The following UTP3 variants were observed in gnomAD, a reference collection of about 807,000 sequenced individuals.
The protein encoded by UTP3 is UTP3 small subunit processome component, also known as something about silencing protein 10.
Under a neutral mutation model 37.9 loss-of-function variants are expected in UTP3, and 19 were observed. The ratio of observed to expected loss-of-function variants is 0.50; its 90% confidence interval spans 0.35 to 0.74. The LOEUF (loss-of-function observed/expected upper bound fraction) is 0.74, where lower values mean the gene tolerates loss of function less well. Among genes scored for constraint, UTP3 ranks in the 30% least tolerant of loss-of-function variants. UTP3 has a pLI of 0.01. For synonymous variants in UTP3, 242 were observed against 218.5 expected (o/e 1.11, Z -0.95); for missense variants, 504 against 570.7 (o/e 0.88, Z 1.19).
chr4:70,689,254 G>C lies in UTP3; in HGVS notation c.577G>C (p.Val193Leu), dbSNP rs573556604. The C allele has an allele frequency of 1.2e-6, 2 of 1,614,224 alleles. No individual in the cohort carries two copies. Among genetic ancestry groups the C allele is most frequent in the East Asian group, 4.5e-5 (2 of 44,886 alleles). The stretch of plus-strand genomic sequence containing the variant: ...CTGGGTTGAGGCCTTTGCAAAACCA[G>C]TGCCTCAGGTAGATGAGGCTGAGAC... ...VAWVEAFAKP[V>L]PQVDEAETRV... Residue 193 changes from valine (V) to leucine (L), a missense_variant, in exon 1 of 1, where the codon GTG becomes CTG. Physicochemically the swap from Val to Leu is conservative, Grantham distance 32. Coordinates refer to ENST00000254803, the MANE Select transcript of UTP3 (RefSeq NM_020368.3).
rs1739588050 is a variant in UTP3 at position 70,690,044 on chromosome 4, A to C, written c.1367A>C (p.Lys456Thr). Residue 456 changes from lysine (K) to threonine (T), a missense_variant, in exon 1 of 1, where the codon AAA becomes ACA. Coordinates refer to ENST00000254803, the MANE Select transcript of UTP3 (RefSeq NM_020368.3). ...AGAGGCCAGGTTCGTGAAGTTCGTA[A>C]AGAAGAGCAACGTTATAGTGGTGAA... ...RRRGQVREVR[K>T]EEQRYSGELS... 1 of 1,613,968 alleles carries C rather than the reference A, an allele frequency of 6.2e-7. No individual in the cohort carries two copies. The highest frequency in any genetic ancestry group is 1.7e-5 in the Admixed American group (1 of 59,952).
Position 70,688,699 on chromosome 4 carries a change from CGCGGAGCAGCTAAGTGGGCAGCTGT to C in UTP3, c.26_50del (p.Gly9GlufsTer16). ...AGCCATGGTGGGGAGATCCCGGCGG[CGCGGAGCAGCTAAGTGGGCAGCTGT>C]GCGAGCCAAGGCAGGTCCCACGCTC... is the stretch of plus-strand genomic sequence containing the variant. On this transcript the variant is annotated frameshift_variant, in exon 1 of 1. Coordinates refer to ENST00000254803, the MANE Select transcript of UTP3 (RefSeq NM_020368.3). LOFTEE classifies it high-confidence loss of function. 6.2e-7 allele frequency: 1 copy of C among 1,613,366 alleles called. No individual in the cohort carries two copies. Among genetic ancestry groups the C allele is most frequent in the Non-Finnish European group, 8.5e-7 (1 of 1,179,906 alleles).
In UTP3 at chr4:70,689,999, G is replaced by C; in HGVS notation, c.1322G>C (p.Arg441Thr). Residue 441 changes from arginine to threonine, a missense_variant, in exon 1 of 1, where the codon AGA (arginine) becomes ACA (threonine). Arg to Thr is a moderately conservative substitution (Grantham distance 71). Transcript: ENST00000254803. ...NPRVKHREKFRRAKIRRRGQV... is the reference protein window; with the variant it reads ...NPRVKHREKFTRAKIRRRGQV... ...AGAGTGAAACACAGAGAGAAGTTCAGAAGAGCCAAAATTAGAAGAAGAGGC... is the reference window on the plus strand; with the variant it reads ...AGAGTGAAACACAGAGAGAAGTTCACAAGAGCCAAAATTAGAAGAAGAGGC... 6.2e-7 allele frequency: 1 copy of C among 1,614,146 alleles called. No homozygotes were observed. Among genetic ancestry groups the C allele is most frequent in the Non-Finnish European group, 8.5e-7 (1 of 1,180,032 alleles).
Position 70,688,588 on chromosome 4 carries a change from A to T in UTP3, c.-90A>T. 1 of 1,360,870 alleles carries T rather than the reference A, an allele frequency of 7.3e-7. No individual in the cohort carries two copies. The highest frequency in any genetic ancestry group is 1.0e-6 in the Non-Finnish European group (1 of 1,003,784). 84.3% of individuals were successfully genotyped at this position (1,360,870 alleles called of 1,614,324 possible). ...GGTAGGGGAGCGCGCTGCTGTTTAG[A>T]GCCACGAGTTACCGGAGCGCCTGAT... is the stretch of plus-strand genomic sequence containing the variant. On this transcript the variant is annotated 5_prime_UTR_variant, in exon 1 of 1. Transcript: ENST00000254803.
chr4:70,688,723 G>A lies in UTP3; in HGVS notation c.46G>A (p.Val16Met). The change falls in exon 1 of 1, where the codon GTG becomes ATG. Residue 16 changes from valine to methionine, a missense_variant. By Grantham distance (21) the Val-to-Met change is conservative (BLOSUM62 1). Coordinates refer to ENST00000254803, the MANE Select transcript of UTP3 (RefSeq NM_020368.3). ...RRRGAAKWAA[V>M]RAKAGPTLTD... is the part of the protein sequence containing the mutation. ...GCGCGGAGCAGCTAAGTGGGCAGCT[G>A]TGCGAGCCAAGGCAGGTCCCACGCT... 1 of 1,614,054 alleles carries A rather than the reference G, an allele frequency of 6.2e-7. No individual in the cohort carries two copies. The highest frequency in any genetic ancestry group is 1.1e-5 in the South Asian group (1 of 91,066).
At position 70,688,863 on chromosome 4, in the gene UTP3, G is replaced by A. The variant is rs754095095; in HGVS notation, c.186G>A (p.Lys62=). The A allele has an allele frequency of 1.1e-5, 18 of 1,614,034 alleles. No individual in the cohort carries two copies. Among genetic ancestry groups the A allele is most frequent in the Admixed American group, 5.0e-5 (3 of 59,988 alleles). Residue 62 remains lysine, a synonymous_variant, in exon 1 of 1, where the codon AAG becomes AAA. Transcript: ENST00000254803. Reference sequence around the variant, plus strand: ...CACGATCCCGGGCCGCCTTAGCTAAGGGCTGGAATGAAGTACAGAGTGGAG... The same window carrying A: ...CACGATCCCGGGCCGCCTTAGCTAAAGGCTGGAATGAAGTACAGAGTGGAG... ...HEARSRAALA[K]GWNEVQSGDE...
At position 70,690,190 on chromosome 4, in the gene UTP3, T is replaced by A; in HGVS notation, c.*73T>A. On this transcript the variant is annotated 3_prime_UTR_variant, in exon 1 of 1. Coordinates refer to ENST00000254803, the MANE Select transcript of UTP3 (RefSeq NM_020368.3). ...TTTACTTTTAACTAAAGTCATTGTATTAATATATAATACTTTAAATTTTAA... is the reference window on the plus strand; with the variant it reads ...TTTACTTTTAACTAAAGTCATTGTAATAATATATAATACTTTAAATTTTAA... 1.4e-6 allele frequency: 2 copies of A among 1,426,654 alleles called. No homozygotes were observed. Among genetic ancestry groups the A allele is most frequent in the South Asian group, 3.3e-5 (2 of 59,840 alleles). The allele number at this position is 1,426,654 out of a possible 1,614,324, so 88.4% of individuals were successfully genotyped here.
rs1334167472 is a variant in UTP3, at chr4:70,690,131, C to G, written c.*14C>G. ...AAGCTTAAATGAAGTTTTTGCTTAGCATAAGGTTTTTGGCAGTTTTGGATC... is the reference window on the plus strand; with the variant it reads ...AAGCTTAAATGAAGTTTTTGCTTAGGATAAGGTTTTTGGCAGTTTTGGATC... On this transcript the variant is annotated 3_prime_UTR_variant, in exon 1 of 1. Transcript: ENST00000254803. 7.0e-6 allele frequency: 11 copies of G among 1,563,676 alleles called. No individual in the cohort carries two copies. The highest frequency in any genetic ancestry group is 9.5e-6 in the Non-Finnish European group (11 of 1,159,816).
Position 70,689,706 on chromosome 4 carries a change from C to G in UTP3, c.1029C>G (p.Ser343=). Residue 343 remains serine (S), a synonymous_variant, in exon 1 of 1, where the codon TCC becomes TCG. Coordinates refer to ENST00000254803, the MANE Select transcript of UTP3 (RefSeq NM_020368.3). The part of the protein sequence containing the change: ...VKKELIPKAK[S]TKPKPKSVSK... ...AAGAACTGATTCCAAAAGCAAAATCCACCAAGCCCAAACCAAAGTCTGTTT... is the reference window on the plus strand; with the variant it reads ...AAGAACTGATTCCAAAAGCAAAATCGACCAAGCCCAAACCAAAGTCTGTTT... The G allele has an allele frequency of 6.2e-7, 1 of 1,614,162 alleles. No individual in the cohort carries two copies. The highest frequency in any genetic ancestry group is 1.1e-5 in the South Asian group (1 of 91,088).
chr4:70,689,290 A>T lies in UTP3; in HGVS notation c.613A>T (p.Lys205Ter), dbSNP rs774709123. Reference protein sequence around the residue: ...QVDEAETRVVKDLAKVSVKEK... With the variant: ...QVDEAETRVV ...AGATGAGGCTGAGACACGGGTCGTG[A>T]AGGATTTGGCTAAAGTTTCAGTGAA... The change falls in exon 1 of 1, where the codon AAG (lysine) becomes TAG (stop). Residue 205 changes from lysine to a stop codon, truncating the protein, a stop_gained. Coordinates refer to ENST00000254803, the MANE Select transcript of UTP3 (RefSeq NM_020368.3). LOFTEE classifies it high-confidence loss of function. 6.2e-7 allele frequency: 1 copy of T among 1,614,132 alleles called. No homozygotes were observed. Among genetic ancestry groups the T allele is most frequent in the Non-Finnish European group, 8.5e-7 (1 of 1,180,028 alleles).
rs1739556114 is a variant in UTP3 at position 70,688,616 on chromosome 4, C to T, written c.-62C>T. 2 of 1,513,134 alleles carry T rather than the reference C, an allele frequency of 1.3e-6. No individual in the cohort carries two copies. Among genetic ancestry groups the T allele is most frequent in the Non-Finnish European group, 1.8e-6 (2 of 1,126,178 alleles). The allele number at this position is 1,513,134 out of a possible 1,614,324, so 93.7% of individuals were successfully genotyped here. ...CACGAGTTACCGGAGCGCCTGATTC[C>T]TGCGCCGAAGTCAGTGGTGGCCGAA... On this transcript the variant is annotated 5_prime_UTR_variant, in exon 1 of 1. Transcript: ENST00000254803.
rs747162980 is a variant in UTP3 at position 70,689,127 on chromosome 4, T to G, written c.450T>G (p.Ser150Arg). 6 of 1,610,394 alleles carry G rather than the reference T, an allele frequency of 3.7e-6. No individual in the cohort carries two copies. Among genetic ancestry groups the G allele is most frequent in the East Asian group, 2.2e-5 (1 of 44,764 alleles). Residue 150 changes from serine (S) to arginine (R), a missense_variant, in exon 1 of 1, where the codon AGT (serine) becomes AGG (arginine). Ser to Arg is a moderately radical substitution (Grantham distance 110). Transcript: ENST00000254803. Reference sequence around the variant, plus strand: ...GTTCCAAGTCCCGAGGCCGGCAGAGTCAACAGGAGGCAGAGGAGGAGGAAA... The same window carrying G: ...GTTCCAAGTCCCGAGGCCGGCAGAGGCAACAGGAGGCAGAGGAGGAGGAAA... The part of the protein sequence containing the change: ...DYGSKSRGRQ[S>R]QQEAEEEERE...
rs1351523680 is a variant in UTP3 at position 70,688,972 on chromosome 4, G to C, written c.295G>C (p.Gly99Arg). ...DEDDEDGGNA[G>R]EEEEEENADD... is the part of the protein sequence containing the mutation. The stretch of plus-strand genomic sequence containing the variant: ...GGACGACGAAGATGGAGGGAATGCG[G>C]GGGAGGAGGAGGAGGAGGAGAATGC... Residue 99 changes from glycine (G) to arginine (R), a missense_variant, in exon 1 of 1, where the codon GGG becomes CGG. Transcript: ENST00000254803. 6.2e-7 allele frequency: 1 copy of C among 1,602,750 alleles called. No individual in the cohort carries two copies. The highest frequency in any genetic ancestry group is 2.2e-5 in the East Asian group (1 of 44,748).
Position 70,689,286 on chromosome 4 carries a change from C to T in UTP3, c.609C>T (p.Val203=). The T allele has an allele frequency of 1.2e-6, 2 of 1,614,046 alleles. No homozygotes were observed. Among genetic ancestry groups the T allele is most frequent in the Admixed American group, 3.3e-5 (2 of 59,990 alleles). Residue 203 remains valine, a synonymous_variant, in exon 1 of 1, where the codon GTC becomes GTT. Coordinates refer to ENST00000254803, the MANE Select transcript of UTP3 (RefSeq NM_020368.3). ...VPQVDEAETR[V]VKDLAKVSVK... The stretch of plus-strand genomic sequence containing the variant: ...AGGTAGATGAGGCTGAGACACGGGT[C>T]GTGAAGGATTTGGCTAAAGTTTCAG...
chr4:70,689,170 G>T lies in UTP3; in HGVS notation c.493G>T (p.Ala165Ser). 1 of 1,614,060 alleles carries T rather than the reference G, an allele frequency of 6.2e-7. No individual in the cohort carries two copies. Among genetic ancestry groups the T allele is most frequent in the African/African-American group, 1.3e-5 (1 of 75,030 alleles). Reference sequence around the variant, plus strand: ...GGAGGAAAGAGAGGAGGAGGAGGAGGCACAGATCATTCAGCGGCGCCTAGC... The same window carrying T: ...GGAGGAAAGAGAGGAGGAGGAGGAGTCACAGATCATTCAGCGGCGCCTAGC... The part of the protein sequence containing the change: ...EEEEREEEEE[A>S]QIIQRRLAQA... Residue 165 changes from alanine to serine, a missense_variant, in exon 1 of 1, where the codon GCA becomes TCA. Coordinates refer to ENST00000254803, the MANE Select transcript of UTP3 (RefSeq NM_020368.3).
chr4:70,689,484 C>T lies in UTP3; in HGVS notation c.807C>T (p.Tyr269=). The T allele has an allele frequency of 6.2e-7, 1 of 1,614,178 alleles. No homozygotes were observed. Among genetic ancestry groups the T allele is most frequent in the Non-Finnish European group, 8.5e-7 (1 of 1,180,024 alleles). Residue 269 remains tyrosine, a synonymous_variant, in exon 1 of 1, where the codon TAC becomes TAT. Coordinates refer to ENST00000254803, the MANE Select transcript of UTP3 (RefSeq NM_020368.3). ...GAAGCCAATACTTGAGGACCAAGTA[C>T]AACCTCTACTTGAATTATTGCTCGA... is the stretch of plus-strand genomic sequence containing the variant. ...GKGSQYLRTK[Y]NLYLNYCSNI...
chr4:70,689,262 G>C lies in UTP3; in HGVS notation c.585G>C (p.Gln195His). 2.5e-6 allele frequency: 4 copies of C among 1,614,210 alleles called. No homozygotes were observed. The highest frequency in any genetic ancestry group is 3.4e-6 in the Non-Finnish European group (4 of 1,180,042). ...AGGCCTTTGCAAAACCAGTGCCTCA[G>C]GTAGATGAGGCTGAGACACGGGTCG... ...WVEAFAKPVP[Q>H]VDEAETRVVK... Residue 195 changes from glutamine (Q) to histidine (H), a missense_variant, in exon 1 of 1, where the codon CAG becomes CAC. Gln to His is a conservative substitution (Grantham distance 24, BLOSUM62 0). Transcript: ENST00000254803.
At position 70,689,237 on chromosome 4, in the gene UTP3, A is replaced by T; in HGVS notation, c.560A>T (p.Glu187Val). Reference sequence around the variant, plus strand: ...GATGATTTTGGTGTCGCCTGGGTTGAGGCCTTTGCAAAACCAGTGCCTCAG... The same window carrying T: ...GATGATTTTGGTGTCGCCTGGGTTGTGGCCTTTGCAAAACCAGTGCCTCAG... The part of the protein sequence containing the change: ...QEDDFGVAWV[E>V]AFAKPVPQVD... The change falls in exon 1 of 1, where the codon GAG (glutamate) becomes GTG (valine). Residue 187 changes from glutamate to valine, a missense_variant. Glu to Val is a moderately radical substitution (Grantham distance 121). Transcript: ENST00000254803. The T allele has an allele frequency of 6.2e-7, 1 of 1,614,186 alleles. No individual in the cohort carries two copies. Among genetic ancestry groups the T allele is most frequent in the Non-Finnish European group, 8.5e-7 (1 of 1,180,022 alleles).
In UTP3 at chr4:70,689,745, T is replaced by A. The variant is rs1408749414; in HGVS notation, c.1068T>A (p.Ala356=). ...CAAAGTCTGTTTCAAAGACTTCTGC[T>A]GCTGCCTGTGCTGTTACAGATCTTT... ...PKPKSVSKTS[A]AACAVTDLSD... Residue 356 remains alanine (A), a synonymous_variant, in exon 1 of 1, where the codon GCT becomes GCA. Transcript: ENST00000254803. The A allele has an allele frequency of 7.4e-6, 12 of 1,614,082 alleles. No homozygotes were observed. The Admixed American group carries it at 2.0e-4, about 27-fold the overall frequency.
Sources: gnomAD v4.1 joint callset for allele counts on GRCh38, gnomAD v4.1.1 for gene constraint, MANE v1.5 for transcripts, NCBI Gene and HGNC (gene_info 2026-07-23, HGNC 2026-07-21) for gene names.